The following MAGI2 variants were observed in gnomAD, a reference collection of about 807,000 sequenced individuals.
The protein encoded by MAGI2 is membrane associated guanylate kinase, WW and PDZ domain containing 2.
Under a neutral mutation model 133.3 loss-of-function variants are expected in MAGI2, and 35 were observed. That is an observed-to-expected ratio of 0.26 (90% confidence interval 0.20 to 0.35). The LOEUF (loss-of-function observed/expected upper bound fraction) is 0.35, where lower values mean the gene tolerates loss of function less well. Ranked by LOEUF, MAGI2 falls within the 10% of genes least tolerant of loss-of-function variation. The pLI is 1.00. For synonymous variants in MAGI2, 729 were observed against 710.6 expected (o/e 1.03, Z -0.41); for missense variants, 1,636 against 1,863.4 (o/e 0.88, Z 2.25).
At chr7:78,043,326 C>G (rs1811050617) in intron 21 of MAGI2, among the ~76,000 whole-genome samples, 2 of 151,926 alleles carry the variant, frequency 1.3e-5, no homozygotes, top group Non-Finnish European at 2.9e-5. Context: ...TGAATGGTCC[C>G]ATTGTTTCTG....
At chr7:78,414,513 C>A (rs919679942) in intron 6 of MAGI2, among the ~76,000 whole-genome samples, 13 of 151,774 alleles carry the variant, frequency 8.6e-5, no homozygotes, top group Admixed American at 4.6e-4. Flanking sequence ...ATATATTATG[C>A]TTATTAGTAG....
chr7:79,313,612 A>C (rs1233765303), intron 1 of MAGI2, among the ~76,000 whole-genome samples: 1 of 152,174 alleles, frequency 6.6e-6, no homozygotes, highest in Non-Finnish European at 1.5e-5. Context: ...GATTACAAAA[A>C]CCAGGATAAA....
At chr7:78,817,955 C>T (rs1789752898) in intron 2 of MAGI2, among the ~76,000 whole-genome samples, 1 of 151,920 alleles carries the variant, frequency 6.6e-6, no homozygotes, top group African/African-American at 2.4e-5. Context: ...TATTGGGAAA[C>T]CAAAAAAATT....
chr7:78,417,860 AG>A (rs1381046401), intron 6 of MAGI2, among the ~76,000 whole-genome samples: 1 of 152,184 alleles, frequency 6.6e-6, no homozygotes, highest in Admixed American at 6.5e-5. Flanking sequence ...ATACTTAAAA[AG>A]CTCTGAAATT....
intron 3 of MAGI2, among the ~76,000 whole-genome samples, chr7:78,531,784 ATAT>A (rs1302460306): frequency 2.0e-5 from 3 of 152,178 alleles, no homozygotes. Flanking sequence ...TTCAATTGTG[ATAT>A]TATAAAATTG....
intron 1 of MAGI2, among the ~76,000 whole-genome samples, chr7:79,374,640 C>T (rs1350598284): frequency 6.6e-6 from 1 of 151,756 alleles, no homozygotes; most frequent in African/African-American, 2.4e-5. Context: ...ATAATGGCAA[C>T]TTATGGGAAA....
chr7:78,345,559 T>C (rs534990671), intron 8 of MAGI2: 1 of 205,498 alleles, frequency 4.9e-6, no homozygotes, highest in East Asian at 1.3e-4. Flanking sequence ...GTAATGTCCA[T>C]GAGGAGCTGT....
At chr7:79,350,082 T>C (rs1415235254) in intron 1 of MAGI2, among the ~76,000 whole-genome samples, 2 of 152,102 alleles carry the variant, frequency 1.3e-5, no homozygotes, top group Non-Finnish European at 2.9e-5. Flanking sequence ...TAAGACCACA[T>C]AGTAGGCATT....
At chr7:78,776,024 G>A (rs900404843) in intron 2 of MAGI2, among the ~76,000 whole-genome samples, 3 of 152,182 alleles carry the variant, frequency 2.0e-5, no homozygotes, top group Non-Finnish European at 2.9e-5. Flanking sequence ...TTTGTGGGCT[G>A]TGTGACCAAA....
At chr7:79,364,058 T>A (rs1842534744) in intron 1 of MAGI2, among the ~76,000 whole-genome samples, 1 of 151,932 alleles carries the variant, frequency 6.6e-6, no homozygotes, top group Non-Finnish European at 1.5e-5. Context: ...CTCACACCGA[T>A]GGAATGTCTA....
intron 2 of MAGI2, among the ~76,000 whole-genome samples, chr7:78,799,463 C>T (rs981820073): frequency 6.6e-6 from 1 of 152,106 alleles, no homozygotes; most frequent in Admixed American, 6.6e-5. Flanking sequence ...CCATTGTGTA[C>T]ACATGTAAGG....
intron 1 of MAGI2, among the ~76,000 whole-genome samples, chr7:79,032,664 G>A (rs891863845): frequency 2.6e-5 from 4 of 151,910 alleles, no homozygotes; most frequent in African/African-American, 9.7e-5. Context: ...CACTCTATCT[G>A]TAGCTTTCAG....
intron 21 of MAGI2, among the ~76,000 whole-genome samples, chr7:78,028,618 G>A (rs1809208251): frequency 6.6e-6 from 1 of 152,152 alleles, no homozygotes; most frequent in Non-Finnish European, 1.5e-5. Context: ...ACTTTGGGAG[G>A]CCAAGGTGGG....
chr7:78,117,628 C>T (rs903700454), intron 20 of MAGI2, among the ~76,000 whole-genome samples: 5 of 151,890 alleles, frequency 3.3e-5, no homozygotes, highest in Non-Finnish European at 5.9e-5. Flanking sequence ...AAAGTGCCTG[C>T]TTTGACCACT....
chr7:78,140,097 A>G lies in MAGI2; in HGVS notation c.2846-4891T>C, dbSNP rs1423686314. Among the ~76,000 whole-genome samples, 3 of 152,154 alleles carry G rather than the reference A, an allele frequency of 2.0e-5. No individual in the cohort carries two copies. The East Asian group carries it at 5.8e-4, about 29-fold the overall frequency. On this transcript the variant is annotated intron_variant, in intron 16 of 21. Coordinates refer to ENST00000354212, the MANE Select transcript of MAGI2 (RefSeq NM_012301.4). ...TGGATTCTCTTCTGGGACCTTGTAT[A>G]GTCTACTCCGGCTCCTTCAGTCACT...
intron 3 of MAGI2, among the ~76,000 whole-genome samples, chr7:78,571,434 C>T (rs17151037): frequency 0.18 from 27,702 of 152,066 alleles, 3,589 homozygotes; most frequent in East Asian, 0.49. Flanking sequence ...AAATTTATGA[C>T]GGCTCAAAGA....
intron 2 of MAGI2, among the ~76,000 whole-genome samples, chr7:78,942,506 G>A (rs535408245): frequency 6.6e-6 from 1 of 152,156 alleles, no homozygotes; most frequent in East Asian, 1.9e-4. Context: ...AACTACAGCT[G>A]CTCCCTTCAA....
intron 6 of MAGI2, among the ~76,000 whole-genome samples, chr7:78,380,382 C>CTA (rs1205295559): frequency 2.6e-5 from 4 of 152,076 alleles, no homozygotes; most frequent in Admixed American, 6.6e-5. Flanking sequence ...AGAAGATGTG[C>CTA]TATATATATA....
chr7:78,665,965 T>C (rs1281827682), intron 2 of MAGI2, among the ~76,000 whole-genome samples: 1 of 152,058 alleles, frequency 6.6e-6, no homozygotes, highest in Non-Finnish European at 1.5e-5. Context: ...ATGTCAAGCT[T>C]AGTGGGATAA....
Sources: gnomAD v4.1 joint callset for allele counts (sites outside exome capture counted in the v4.1 genomes callset) on GRCh38, gnomAD v4.1.1 for gene constraint, MANE v1.5 for transcripts, NCBI Gene and HGNC (gene_info 2026-07-23, HGNC 2026-07-21) for gene names.